The following MXD3 variants were observed in gnomAD, a reference collection of about 807,000 sequenced individuals.
MXD3 encodes MAX dimerization protein 3, also known as Max-associated protein 3.
MXD3 carries 20 observed loss-of-function variants against 27.5 expected under a neutral mutation model. The ratio of observed to expected loss-of-function variants is 0.73; its 90% CI spans 0.51 to 1.06. MXD3 has a LOEUF of 1.06. Ranked by LOEUF, MXD3 falls within the 50% of genes least tolerant of loss-of-function variation. The probability of loss-of-function intolerance (pLI) is 0.00; values close to 1 mark genes in which losing one functional copy is unlikely to be tolerated. For missense variants in MXD3, 298 were observed against 291.3 expected (o/e 1.02, Z -0.17); for synonymous variants, 150 against 130.7 (o/e 1.15, Z -1.01).
In MXD3 at chr5:177,307,554, GT is replaced by G; in HGVS notation, c.*33del. The G allele has an allele frequency of 6.2e-7, 1 of 1,606,300 alleles. No individual in the cohort carries two copies. The highest frequency in any genetic ancestry group is 8.5e-7 in the Non-Finnish European group (1 of 1,177,778). On this transcript the variant is annotated 3_prime_UTR_variant, in exon 6 of 6. Coordinates refer to ENST00000439742, the MANE Select transcript of MXD3 (RefSeq NM_031300.4). Reference sequence around the variant, plus strand: ...TGCCTGGCAAGTGGGCCTGGCACGAGTAGAGGGCAGAGGCCCGCCCTGGGTG... The same window carrying G: ...TGCCTGGCAAGTGGGCCTGGCACGAGAGAGGGCAGAGGCCCGCCCTGGGTG...
downstream of MXD3, chr5:177,307,007 T>C: frequency 7.0e-7 from 1 of 1,427,630 alleles, no homozygotes; most frequent in Non-Finnish European, 9.3e-7. Flanking sequence ...TCACTGTTTT[T>C]GGACCTCAGG....
At chr5:177,311,999 C>T (rs1428986487), upstream of MXD3, 2 of 1,286,576 alleles carry the variant, frequency 1.6e-6, no homozygotes, top group Non-Finnish European at 2.0e-6. Context: ...CCCTCTGGAA[C>T]CCGCCACGGA....
rs1290749877 is a variant in MXD3 at position 177,307,983 on chromosome 5, C to G, written c.322-19G>C. ...CCAGCTTCTGCGGATCCCAAAGGAG[C>G]AAGGGGCTGGGGTCAGCGGCGTGGG... On this transcript the variant is annotated intron_variant, in intron 4 of 5. Transcript: ENST00000439742. The G allele has an allele frequency of 6.6e-7, 1 of 1,518,888 alleles. No individual in the cohort carries two copies. The allele number at this position is 1,518,888 out of a possible 1,614,324, so 94.1% of individuals were successfully genotyped here. A position where few individuals can be genotyped will look rare whatever the true frequency, so the allele number is the denominator to read the frequency against.
At chr5:177,312,219 A>G, upstream of MXD3, 1 of 989,718 alleles carries the variant, frequency 1.0e-6, no homozygotes, top group Non-Finnish European at 1.2e-6. Context: ...AGCCCCCAAC[A>G]TAGCACGGCG....
downstream of MXD3, chr5:177,307,036 C>T (rs941626924): frequency 5.4e-5 from 78 of 1,448,158 alleles, no homozygotes; most frequent in Non-Finnish European, 7.3e-6. Flanking sequence ...GTCACTCAGC[C>T]TCATTTCTAC....
downstream of MXD3, chr5:177,305,680 G>A: frequency 1.7e-6 from 1 of 598,158 alleles, no homozygotes; most frequent in Non-Finnish European, 3.0e-6. Context: ...AGTCAGAAGA[G>A]AGGTTTTCGA....
upstream of MXD3, chr5:177,311,990 C>T: frequency 7.7e-7 from 1 of 1,294,726 alleles, no homozygotes; most frequent in Non-Finnish European, 9.9e-7. Flanking sequence ...TGGCTCCGCC[C>T]CTCTGGAACC....
In MXD3 at chr5:177,311,737, A is replaced by T. The variant is rs758738152; in HGVS notation, c.70+24T>A. ...CGTGTCAGCGAGGTCGCCGCCCGGA[A>T]TTCAGCCAAGGGTCCTTCCTCACCT... is the stretch of plus-strand genomic sequence containing the variant. On this transcript the variant is annotated intron_variant, in intron 1 of 5. Coordinates refer to ENST00000439742, the MANE Select transcript of MXD3 (RefSeq NM_031300.4). 3 of 1,609,986 alleles carry T rather than the reference A, an allele frequency of 1.9e-6. No individual in the cohort carries two copies. In the South Asian group the frequency reaches 3.3e-5, roughly 18 times the overall value.
Position 177,307,306 on chromosome 5 carries a change from G to A in MXD3, c.*282C>T. Reference sequence around the variant, plus strand: ...AGGGAAGAGGCCCAAGAGGCTTCCTGTCCCCTTGGGGGCAGCAGAGCCAAA... The same window carrying A: ...AGGGAAGAGGCCCAAGAGGCTTCCTATCCCCTTGGGGGCAGCAGAGCCAAA... On this transcript the variant is annotated 3_prime_UTR_variant, in exon 6 of 6. Coordinates refer to ENST00000439742, the MANE Select transcript of MXD3 (RefSeq NM_031300.4). The A allele has an allele frequency of 1.3e-6, 2 of 1,547,652 alleles. No homozygotes were observed. The highest frequency in any genetic ancestry group is 1.2e-5 in the South Asian group (1 of 83,860).
chr5:177,305,835 A>G (rs1187235789), downstream of MXD3: 1 of 1,580,114 alleles, frequency 6.3e-7, no homozygotes, highest in East Asian at 2.2e-5. Flanking sequence ...GGCAAAATGA[A>G]AGACTGTTCC....
chr5:177,311,683 C>A, intron 1 of MXD3, 78 bp downstream of exon 1: 1 of 1,471,362 alleles, frequency 6.8e-7, no homozygotes. Flanking sequence ...GTGCATCCTT[C>A]AAGCTGGGAG....
rs776522998 is a variant in MXD3 at position 177,307,950 on chromosome 5, C to T, written c.336G>A (p.Gln112=). 6.4e-7 allele frequency: 1 copy of T among 1,564,784 alleles called. No homozygotes were observed. Among genetic ancestry groups the T allele is most frequent in the Non-Finnish European group, 8.7e-7 (1 of 1,154,898 alleles). ...CCTTGAGCTGTCGGGCCCGCTGCTC[C>T]TGATCCTCCAGCTTCTGCGGATCCC... ...ARMHIQKLED[Q]EQRARQLKER... Residue 112 remains glutamine, a synonymous_variant, in exon 5 of 6, where the codon CAG becomes CAA. Coordinates refer to ENST00000439742, the MANE Select transcript of MXD3 (RefSeq NM_031300.4).
downstream of MXD3, chr5:177,305,848 G>T: frequency 3.1e-6 from 5 of 1,598,404 alleles, no homozygotes; most frequent in Non-Finnish European, 4.3e-6. Flanking sequence ...ACTGTTCCAC[G>T]ATTGTGGTTG....
chr5:177,306,055 C>T (rs757839775), downstream of MXD3: 13 of 1,599,812 alleles, frequency 8.1e-6, no homozygotes, highest in South Asian at 1.1e-5. Context: ...GGGCTGGGGT[C>T]AGTGGGCAAC....
At chr5:177,310,919 G>C in intron 2 of MXD3, 1 of 610,560 alleles carries the variant, frequency 1.6e-6, no homozygotes, top group Non-Finnish European at 2.9e-6. Flanking sequence ...AGGTGGGTAT[G>C]AGGGCCCTAA....
chr5:177,310,607 G>A, intron 3 of MXD3, 61 bp downstream of exon 3: 1 of 1,613,334 alleles, frequency 6.2e-7, no homozygotes, highest in Non-Finnish European at 8.5e-7. Flanking sequence ...GGCAGGGGAG[G>A]GAAGGCCAGA....
chr5:177,306,572 C>T (rs1164263009), downstream of MXD3: 4 of 1,608,602 alleles, frequency 2.5e-6, no homozygotes, highest in South Asian at 2.2e-5. Flanking sequence ...TTTGTGTAGC[C>T]AGTCTACCAC....
At chr5:177,305,876 G>A, downstream of MXD3, 2 of 1,613,618 alleles carry the variant, frequency 1.2e-6, no homozygotes, top group Non-Finnish European at 1.7e-6. Flanking sequence ...CATAGGTGGT[G>A]GAGGAACGAT....
chr5:177,312,171 C>A, upstream of MXD3: 4 of 1,029,716 alleles, frequency 3.9e-6, no homozygotes, highest in Non-Finnish European at 4.7e-6. Flanking sequence ...GGCTCATTGG[C>A]GTCTTTGATC....
Sources: gnomAD v4.1 joint callset for allele counts on GRCh38, gnomAD v4.1.1 for gene constraint, MANE v1.5 for transcripts, NCBI Gene and HGNC (gene_info 2026-07-23, HGNC 2026-07-21) for gene names.